Variants in MTREX observed in about 807,000 individuals in gnomAD.
MTREX encodes exosome RNA helicase MTR4.
In MTREX, 76 loss-of-function variants were observed where a neutral mutation model predicts 135.4. The observed-to-expected ratio is 0.56, with a 90% confidence interval of 0.47 to 0.68. The LOEUF is 0.68. Ranked by LOEUF, MTREX falls within the 30% of genes least tolerant of loss-of-function variation. The pLI, the probability that MTREX is intolerant of heterozygous loss-of-function variation, is 0.00. For missense variants in MTREX, 920 were observed against 1,262.1 expected (o/e 0.73, Z 4.11); for synonymous variants, 404 against 401.6 (o/e 1.01, Z -0.07).
chr5:55,353,216 A>C lies in MTREX; in HGVS notation c.1480A>C (p.Arg494=). Residue 494 remains arginine, a synonymous_variant, in exon 14 of 27, where the codon AGA becomes CGA. Coordinates refer to ENST00000230640, the MANE Select transcript of MTREX (RefSeq NM_015360.5). ...TGCTATGGGAATTAACATGCCAGCT[A>C]GAACTGTTTTATTTACAAATGCCCG... ...TFAMGINMPA[R]TVLFTNARKF... 6 of 1,610,914 alleles carry C rather than the reference A, an allele frequency of 3.7e-6. No individual in the cohort carries two copies. Among genetic ancestry groups the C allele is most frequent in the Non-Finnish European group, 4.2e-6 (5 of 1,178,682 alleles).
intron 20 of MTREX, among the ~76,000 whole-genome samples, chr5:55,398,038 A>G (rs960791735): frequency 5.9e-5 from 9 of 152,166 alleles, no homozygotes; most frequent in African/African-American, 2.2e-4. Flanking sequence ...CCTGGGCAAC[A>G]TAGTGAGACC....
chr5:55,338,298 TC>T (rs895600692), intron 5 of MTREX, among the ~76,000 whole-genome samples: 1 of 152,150 alleles, frequency 6.6e-6, no homozygotes, highest in Non-Finnish European at 1.5e-5. Flanking sequence ...CGATTTTTTT[TC>T]CCCTTCAACT....
intron 20 of MTREX, among the ~76,000 whole-genome samples, chr5:55,398,587 C>T (rs1050621381): frequency 1.3e-5 from 2 of 152,174 alleles, no homozygotes; most frequent in African/African-American, 4.8e-5. Context: ...CAGAATAGCA[C>T]AGTTTTGAGC....
rs755229962 is a variant in MTREX, at chr5:55,341,820, A to G, written c.781+49A>G. Reference sequence around the variant, plus strand: ...ATCATGTATTTCCCTTCAGAATGACATTAGGAATTTTGAGCAAGTTATTGT... The same window carrying G: ...ATCATGTATTTCCCTTCAGAATGACGTTAGGAATTTTGAGCAAGTTATTGT... On this transcript the variant is annotated intron_variant, in intron 7 of 26. Coordinates refer to ENST00000230640, the MANE Select transcript of MTREX (RefSeq NM_015360.5). The G allele has an allele frequency of 1.0e-5, 10 of 954,824 alleles. No homozygotes were observed. The Admixed American group carries it at 1.7e-4, about 16-fold the overall frequency. 59.1% of individuals were successfully genotyped at this position (954,824 alleles called of 1,614,324 possible).
chr5:55,403,834 G>A (rs921302176), intron 21 of MTREX, among the ~76,000 whole-genome samples: 2 of 152,114 alleles, frequency 1.3e-5, no homozygotes, highest in Non-Finnish European at 2.9e-5. Context: ...GATACCCTGG[G>A]TTTGAACCCC....
At chr5:55,350,039 A>G (rs1312285680) in intron 12 of MTREX, among the ~76,000 whole-genome samples, 3 of 152,330 alleles carry the variant, frequency 2.0e-5, no homozygotes, top group African/African-American at 7.2e-5. Context: ...GCCTTAATCC[A>G]GTGTATTTTT....
intron 25 of MTREX, among the ~76,000 whole-genome samples, chr5:55,417,825 A>G (rs1272568164): frequency 1.3e-5 from 2 of 152,236 alleles, no homozygotes; most frequent in African/African-American, 2.4e-5. Flanking sequence ...TATTTGTATA[A>G]TATCTGCTTC....
intron 5 of MTREX, among the ~76,000 whole-genome samples, chr5:55,338,373 C>T (rs1749587134): frequency 6.6e-6 from 1 of 151,966 alleles, no homozygotes; most frequent in Non-Finnish European, 1.5e-5. Context: ...AGAAGTCAGC[C>T]TTAATTATGT....
chr5:55,365,582 C>G lies in MTREX; in HGVS notation c.1660-1143C>G, dbSNP rs1407765436. Among the ~76,000 whole-genome samples the G allele has an allele frequency of 2.6e-5, 4 of 152,226 alleles. No individual in the cohort carries two copies. The South Asian group carries it at 8.3e-4, about 32-fold the overall frequency. ...TGCTATGCCATTTAGAAATATGTGG[C>G]CTACATAGTGATACTGCACTTCTAA... On this transcript the variant is annotated intron_variant, in intron 15 of 26. Transcript: ENST00000230640.
At chr5:55,386,423 C>A (rs1424168526) in intron 18 of MTREX, among the ~76,000 whole-genome samples, 1 of 152,008 alleles carries the variant, frequency 6.6e-6, no homozygotes, top group African/African-American at 2.4e-5. Context: ...GGACATTGAT[C>A]CATCTTTACA....
intron 16 of MTREX, among the ~76,000 whole-genome samples, chr5:55,367,617 T>C (rs919061339): frequency 5.9e-5 from 9 of 152,220 alleles, no homozygotes; most frequent in African/African-American, 2.2e-4. Flanking sequence ...AGAGTTTAGC[T>C]TTTTGGAATT....
Position 55,347,924 on chromosome 5 carries a change from T to G in MTREX, c.1240+780T>G, listed in dbSNP as rs562816635. ...AGCTTGTGCAGGAAAACTCCCATTT[T>G]CAAAACCATCAGATCTCATGAGACT... On this transcript the variant is annotated intron_variant, in intron 11 of 26. Coordinates refer to ENST00000230640, the MANE Select transcript of MTREX (RefSeq NM_015360.5). Among the ~76,000 whole-genome samples the G allele has an allele frequency of 2.1e-4, 32 of 152,126 alleles. No individual in the cohort carries two copies. The South Asian group carries it at 5.6e-3, about 27-fold the overall frequency.
At chr5:55,314,255 C>T (rs1308804253) in intron 1 of MTREX, among the ~76,000 whole-genome samples, 2 of 152,192 alleles carry the variant, frequency 1.3e-5, no homozygotes, top group Non-Finnish European at 2.9e-5. Flanking sequence ...GTGTTTTCAA[C>T]AGTGTGGTAG....
intron 14 of MTREX, among the ~76,000 whole-genome samples, chr5:55,355,852 G>A (rs955271605): frequency 5.3e-5 from 8 of 152,196 alleles, no homozygotes; most frequent in Admixed American, 2.6e-4. Context: ...GAGAGTCAGG[G>A]AAGAAGGCTC....
chr5:55,369,026 A>G (rs10940462), intron 16 of MTREX, among the ~76,000 whole-genome samples: 10,010 of 152,108 alleles, frequency 0.066, 387 homozygotes, highest in Middle Eastern at 0.099. Flanking sequence ...TAGCAAAGAG[A>G]TAGAAAAGTA....
In MTREX at chr5:55,379,200, A is replaced by G; in HGVS notation, c.2052+5A>G. On this transcript the variant is annotated splice_donor_5th_base_variant and intron_variant, in intron 18 of 26. Transcript: ENST00000230640. ...TCAAAAAAGTCAAATGTTAAGGTAA[A>G]CTATTATCTTTAAATTAGAATTGTA... 1 of 1,525,318 alleles carries G rather than the reference A, an allele frequency of 6.6e-7. No individual in the cohort carries two copies. The allele number at this position is 1,525,318 out of a possible 1,614,324, so 94.5% of individuals were successfully genotyped here. A position where few individuals can be genotyped will look rare whatever the true frequency, so the allele number is the denominator to read the frequency against.
chr5:55,341,718 T>C lies in MTREX; in HGVS notation c.728T>C (p.Met243Thr). The change falls in exon 7 of 27, where the codon ATG becomes ACG. Residue 243 changes from methionine (M) to threonine (T), a missense_variant. Coordinates refer to ENST00000230640, the MANE Select transcript of MTREX (RefSeq NM_015360.5). ...RSMLYRGSEV[M>T]REVAWVIFDE... ...ATGCTTTACAGAGGTTCCGAAGTTA[T>C]GAGAGAAGTTGCTTGGGTTATATTT... is the stretch of plus-strand genomic sequence containing the variant. The C allele has an allele frequency of 1.3e-6, 2 of 1,596,026 alleles. No homozygotes were observed. Among genetic ancestry groups the C allele is most frequent in the Non-Finnish European group, 1.7e-6 (2 of 1,166,246 alleles).
At chr5:55,336,059 T>C (rs1749548407) in intron 5 of MTREX, among the ~76,000 whole-genome samples, 1 of 152,188 alleles carries the variant, frequency 6.6e-6, no homozygotes. Flanking sequence ...TAATAGCTTG[T>C]ATATTGAAAT....
At chr5:55,323,619 C>T (rs929949573) in intron 2 of MTREX, among the ~76,000 whole-genome samples, 7 of 152,010 alleles carry the variant, frequency 4.6e-5, no homozygotes, top group Non-Finnish European at 7.4e-5. Flanking sequence ...GAGTTTCTGC[C>T]GTATTGCCCA....
Sources: gnomAD v4.1 joint callset for allele counts (sites outside exome capture counted in the v4.1 genomes callset) on GRCh38, gnomAD v4.1.1 for gene constraint, MANE v1.5 for transcripts, NCBI Gene and HGNC (gene_info 2026-07-23, HGNC 2026-07-21) for gene names.